Variants in CARD8 observed in about 807,000 individuals in gnomAD.
The protein encoded by CARD8 is caspase recruitment domain family member 8.
Under a neutral mutation model 53.2 loss-of-function variants are expected in CARD8, and 38 were observed. That is an observed-to-expected ratio of 0.71 (90% confidence interval 0.55 to 0.94). The LOEUF (loss-of-function observed/expected upper bound fraction) is 0.94. Ranked by LOEUF, CARD8 falls within the 40% of genes least tolerant of loss-of-function variation. CARD8 has a pLI of 0.00. For synonymous variants in CARD8, 245 were observed against 244.9 expected (o/e 1.00, Z 0.00); for missense variants, 561 against 655.5 (o/e 0.86, Z 1.57).
intron 7 of CARD8, 67 bp downstream of exon 7, chr19:48,232,386 A>G (rs2043079107): frequency 7.1e-7 from 1 of 1,400,562 alleles, no homozygotes. Flanking sequence ...TGTCTTCTTC[A>G]CATAAAATCA....
intron 1 of CARD8, among the ~76,000 whole-genome samples, chr19:48,253,088 G>A (rs1047805280): frequency 6.6e-6 from 1 of 152,056 alleles, no homozygotes; most frequent in Admixed American, 6.6e-5. Context: ...AAACATAATA[G>A]CACAAGAGAT....
At chr19:48,220,994 GAAAGAAAGAAAGAAA>G (rs2040472266) in intron 11 of CARD8, among the ~76,000 whole-genome samples, 1 of 95,818 alleles carries the variant, frequency 1.0e-5, no homozygotes, top group African/African-American at 4.3e-5. Flanking sequence ...AGGAAGGAAG[GAAAGAAAGAAAGAAA>G]AAGAAAGAAA....
chr19:48,227,672 G>A (rs1298574572), intron 10 of CARD8, among the ~76,000 whole-genome samples: 1 of 151,870 alleles, frequency 6.6e-6, no homozygotes, highest in Non-Finnish European at 1.5e-5. Flanking sequence ...GTGTGGTGGT[G>A]TGTGCCTGTA....
downstream of CARD8, among the ~76,000 whole-genome samples, chr19:48,205,691 C>T (rs79765495): frequency 4.4e-3 from 675 of 152,212 alleles, 9 homozygotes; most frequent in African/African-American, 0.016. Flanking sequence ...GGTTAAATAA[C>T]TTGGCCAGAG....
In CARD8 at chr19:48,238,639, T is replaced by C. The variant is rs908089444; in HGVS notation, c.60-107A>G. ...GAAAGTAGCCCGATCCTTAGAGATATCCATCCTTAGACATGCCCATCCATA... is the reference window on the plus strand; with the variant it reads ...GAAAGTAGCCCGATCCTTAGAGATACCCATCCTTAGACATGCCCATCCATA... On this transcript the variant is annotated intron_variant, in intron 4 of 13. Transcript: ENST00000651546. The C allele has an allele frequency of 2.8e-6, 3 of 1,060,070 alleles. No individual in the cohort carries two copies. In the African/African-American group the frequency reaches 4.8e-5, roughly 17 times the overall value. The allele number at this position is 1,060,070 out of a possible 1,614,324, so 65.7% of individuals were successfully genotyped here. A position where few individuals can be genotyped will look rare whatever the true frequency, so the allele number is the denominator to read the frequency against.
chr19:48,241,977 G>A (rs1430765259), intron 3 of CARD8, among the ~76,000 whole-genome samples: 5 of 151,994 alleles, frequency 3.3e-5, no homozygotes, highest in Non-Finnish European at 7.4e-5. Flanking sequence ...CTCATTAAGC[G>A]GCACTCCCCA....
At chr19:48,218,783 C>T (rs1485250295) in intron 12 of CARD8, 88 bp downstream of exon 12, 1 of 1,381,744 alleles carries the variant, frequency 7.2e-7, no homozygotes, top group Admixed American at 1.9e-5. Flanking sequence ...GGGAAAGAAC[C>T]ATAAACAAGA....
intron 11 of CARD8, 92 bp downstream of exon 11, chr19:48,221,638 G>T (rs1445379641): frequency 3.3e-6 from 3 of 914,336 alleles, no homozygotes; most frequent in Non-Finnish European, 4.7e-6. Context: ...ATTAATAAAA[G>T]AAAAATGTTG....
intron 11 of CARD8, among the ~76,000 whole-genome samples, chr19:48,220,768 G>A (rs1421344680): frequency 2.6e-5 from 4 of 151,960 alleles, no homozygotes; most frequent in South Asian, 2.1e-4. Context: ...AAAATCAGCC[G>A]GGAGTGGTGG....
chr19:48,205,643 ACCC>A (rs999979532), downstream of CARD8, among the ~76,000 whole-genome samples: 38 of 152,200 alleles, frequency 2.5e-4, no homozygotes, highest in African/African-American at 8.9e-4. Flanking sequence ...TTACTGTCAC[ACCC>A]CCATTTTACA....
chr19:48,223,993 G>A (rs2041234281), intron 10 of CARD8: 12 of 432,040 alleles, frequency 2.8e-5, no homozygotes, highest in Admixed American at 1.2e-4. Context: ...ATGGAGTCTC[G>A]CTCTGTCACC....
intron 4 of CARD8, among the ~76,000 whole-genome samples, chr19:48,239,325 C>T (rs1048912864): frequency 2.6e-5 from 4 of 152,138 alleles, no homozygotes; most frequent in South Asian, 2.1e-4. Context: ...ATACAGTACT[C>T]TCGTCACAAA....
intron 3 of CARD8, among the ~76,000 whole-genome samples, chr19:48,241,917 AACC>A (rs1375195105): frequency 6.6e-6 from 1 of 152,174 alleles, no homozygotes; most frequent in Non-Finnish European, 1.5e-5. Context: ...GAAGTTGTAC[AACC>A]ACCACCACAA....
chr19:48,240,629 C>T (rs1368292338), intron 4 of CARD8, among the ~76,000 whole-genome samples: 13 of 151,954 alleles, frequency 8.6e-5, no homozygotes, highest in African/African-American at 2.9e-4. Flanking sequence ...AGTAGCCAGG[C>T]GTGGTGGTGC....
At chr19:48,252,808 T>TATATATATACAC (rs113740488) in intron 1 of CARD8, among the ~76,000 whole-genome samples, 4,606 of 148,244 alleles carry the variant, frequency 0.031, 104 homozygotes, top group Middle Eastern at 0.066. Flanking sequence ...TATCAGTATA[T>TATATATATACAC]ACACACACAC....
chr19:48,231,880 G>A, intron 7 of CARD8, 70 bp from the exon 8 acceptor site: 1 of 1,393,758 alleles, frequency 7.2e-7, no homozygotes, highest in East Asian at 2.3e-5. Context: ...GACTCCTGGA[G>A]GCTGAATTGC....
chr19:48,249,168 G>A (rs2046602369), intron 3 of CARD8, among the ~76,000 whole-genome samples: 1 of 151,276 alleles, frequency 6.6e-6, no homozygotes, highest in Admixed American at 6.6e-5. Flanking sequence ...CTGGACTCCA[G>A]CCTGGATGAC....
At chr19:48,251,335 T>C (rs1020705910) in intron 1 of CARD8, among the ~76,000 whole-genome samples, 3 of 152,218 alleles carry the variant, frequency 2.0e-5, no homozygotes, top group Non-Finnish European at 4.4e-5. Flanking sequence ...AGTTATACAG[T>C]GTGAAAACAC....
At position 48,221,810 on chromosome 19, in the gene CARD8, T is replaced by G; in HGVS notation, c.1081A>C (p.Thr361Pro). 6.2e-7 allele frequency: 1 copy of G among 1,610,850 alleles called. No homozygotes were observed. Among genetic ancestry groups the G allele is most frequent in the Non-Finnish European group, 8.5e-7 (1 of 1,177,652 alleles). Residue 361 changes from threonine (T) to proline (P), a missense_variant, in exon 11 of 14, where the codon ACT becomes CCT. Coordinates refer to ENST00000651546, the MANE Select transcript of CARD8 (RefSeq NM_001184900.3). ...EDRFHGVRLQ[T>P]SPPMEPLNFG... is the part of the protein sequence containing the mutation. Reference sequence around the variant, plus strand: ...TTCAGGGGTTCCATTGGGGGCGAAGTCTGCAGGCGCACACCATGGAAGCGA... The same window carrying G: ...TTCAGGGGTTCCATTGGGGGCGAAGGCTGCAGGCGCACACCATGGAAGCGA...
Sources: allele counts gnomAD v4.1 joint callset (sites outside exome capture counted in the v4.1 genomes callset), GRCh38; gene constraint gnomAD v4.1.1; transcripts MANE v1.5; gene names NCBI Gene and HGNC (gene_info 2026-07-23, HGNC 2026-07-21).